Variants in SHISA9 observed in about 807,000 individuals in gnomAD.
SHISA9 encodes the protein protein shisa-9.
In SHISA9, 13 loss-of-function variants were observed where a neutral mutation model predicts 38.0. The observed-to-expected ratio is 0.34, with a 90% CI of 0.22 to 0.54. The LOEUF is 0.54. Among genes scored for constraint, SHISA9 ranks in the 20% least tolerant of loss-of-function variants. The probability of loss-of-function intolerance (pLI) is 0.91; values close to 1 mark genes in which losing one functional copy is unlikely to be tolerated. For missense variants in SHISA9, 538 were observed against 575.8 expected (o/e 0.93, Z 0.67); for synonymous variants, 275 against 242.0 (o/e 1.14, Z -1.27).
chr16:13,080,296 C>T (rs1254554457), intron 2 of SHISA9, among the ~76,000 whole-genome samples: 1 of 152,164 alleles, frequency 6.6e-6, no homozygotes, highest in Non-Finnish European at 1.5e-5. Flanking sequence ...TGGCATGAAC[C>T]CGGGAGGTGG....
chr16:13,202,851 C>T (rs1047396316), intron 2 of SHISA9, among the ~76,000 whole-genome samples: 1 of 152,162 alleles, frequency 6.6e-6, no homozygotes, highest in Non-Finnish European at 1.5e-5. Context: ...TGGTATTGTT[C>T]AGTCAACATA....
chr16:13,530,886 G>C, the SHISA9 span, among the ~76,000 whole-genome samples: 3 of 152,172 alleles, frequency 2.0e-5, no homozygotes, highest in African/African-American at 7.2e-5. Flanking sequence ...ACAAGAACAG[G>C]CGCTTGCTAG....
At chr16:13,061,838 G>A (rs1304348635) in intron 2 of SHISA9, among the ~76,000 whole-genome samples, 1 of 152,218 alleles carries the variant, frequency 6.6e-6, no homozygotes, top group African/African-American at 2.4e-5. Context: ...GAGGCAGCAT[G>A]TAAGCCAAGA....
rs1051746866 is a variant in SHISA9 at position 13,045,288 on chromosome 16, A to G, written c.691+128473A>G. 2.0e-5 allele frequency among the ~76,000 whole-genome samples: 3 copies of G among 152,222 alleles called. 1 individual carries two copies. Among genetic ancestry groups the G allele is most frequent in the African/African-American group, 7.2e-5 (3 of 41,452 alleles). On this transcript the variant is annotated intron_variant, in intron 2 of 4. Coordinates refer to ENST00000558583, the MANE Select transcript of SHISA9 (RefSeq NM_001145204.3). ...TTTCATTGAATGCCTACTATGAGGT[A>G]GATGGTATTAACCCATTTTGCAGGT...
the SHISA9 span, among the ~76,000 whole-genome samples, chr16:13,479,703 G>T: frequency 2.6e-5 from 4 of 152,122 alleles, no homozygotes; most frequent in Non-Finnish European, 5.9e-5. Flanking sequence ...GCGATTAATT[G>T]GAAAACAGGG....
intron 2 of SHISA9, among the ~76,000 whole-genome samples, chr16:12,982,035 C>T (rs893967374): frequency 6.6e-6 from 1 of 152,188 alleles, no homozygotes; most frequent in Non-Finnish European, 1.5e-5. Flanking sequence ...AGCTCCCCAT[C>T]AACTTTCAAA....
the SHISA9 span, among the ~76,000 whole-genome samples, chr16:13,531,881 A>G: frequency 6.6e-6 from 1 of 152,218 alleles, no homozygotes; most frequent in African/African-American, 2.4e-5. Context: ...AAGATGAATT[A>G]TCACAGTACT....
At chr16:13,271,299 C>T in the SHISA9 span, among the ~76,000 whole-genome samples, 1 of 152,170 alleles carries the variant, frequency 6.6e-6, no homozygotes, top group Admixed American at 6.5e-5. Flanking sequence ...TTTGTAGAAT[C>T]ACCTGGAAAG....
chr16:13,459,722 T>A, the SHISA9 span, among the ~76,000 whole-genome samples: 12 of 152,172 alleles, frequency 7.9e-5, no homozygotes, highest in Admixed American at 3.3e-4. Context: ...ACCCTGTATA[T>A]CATGCCTGGA....
At chr16:12,989,373 T>A (rs1370581094) in intron 2 of SHISA9, among the ~76,000 whole-genome samples, 1 of 152,098 alleles carries the variant, frequency 6.6e-6, no homozygotes, top group Non-Finnish European at 1.5e-5. Context: ...AGATGGGGTT[T>A]CACCATGTTG....
the SHISA9 span, among the ~76,000 whole-genome samples, chr16:13,542,657 G>A: frequency 6.5e-4 from 99 of 152,270 alleles, no homozygotes; most frequent in African/African-American, 2.3e-3. Flanking sequence ...CTATTTCCCA[G>A]GGACAACAAA....
At chr16:12,921,129 A>G (rs1177319090) in intron 2 of SHISA9, among the ~76,000 whole-genome samples, 1 of 152,228 alleles carries the variant, frequency 6.6e-6, no homozygotes, top group Non-Finnish European at 1.5e-5. Context: ...TATTCCATAT[A>G]CCCTTACAAC....
chr16:13,244,983 A>G (rs943807944), downstream of SHISA9, among the ~76,000 whole-genome samples: 1 of 152,118 alleles, frequency 6.6e-6, no homozygotes, highest in Non-Finnish European at 1.5e-5. Context: ...TGGAGCAATC[A>G]CAGCTCACTG....
At chr16:12,984,888 C>T (rs919023585) in intron 2 of SHISA9, among the ~76,000 whole-genome samples, 1 of 152,056 alleles carries the variant, frequency 6.6e-6, no homozygotes, top group African/African-American at 2.4e-5. Flanking sequence ...ATAGAAGAGC[C>T]CAGTTCTCTT....
the SHISA9 span, among the ~76,000 whole-genome samples, chr16:13,426,450 T>C: frequency 6.6e-6 from 1 of 152,110 alleles, no homozygotes; most frequent in Admixed American, 6.5e-5. Context: ...ATCTGGGAGA[T>C]AGAGCCCCCA....
intron 2 of SHISA9, among the ~76,000 whole-genome samples, chr16:13,198,499 A>G (rs1382577421): frequency 2.6e-5 from 4 of 151,662 alleles, no homozygotes; most frequent in African/African-American, 9.7e-5. Context: ...TATAACCTAG[A>G]TCTCATTCAT....
At chr16:13,088,055 G>A (rs1002901538) in intron 2 of SHISA9, among the ~76,000 whole-genome samples, 17 of 152,148 alleles carry the variant, frequency 1.1e-4, no homozygotes, top group African/African-American at 3.6e-4. Flanking sequence ...GCCAGTTTTC[G>A]CAGTATCATT....
At chr16:13,055,668 C>T (rs1331487190) in intron 2 of SHISA9, among the ~76,000 whole-genome samples, 1 of 152,198 alleles carries the variant, frequency 6.6e-6, no homozygotes, top group Admixed American at 6.5e-5. Context: ...TCCCTCCATG[C>T]CCACTCACCC....
intron 3 of SHISA9, among the ~76,000 whole-genome samples, chr16:13,212,609 G>T (rs116147782): frequency 6.6e-6 from 1 of 152,116 alleles, no homozygotes; most frequent in African/African-American, 2.4e-5. Context: ...TCTCGTTACC[G>T]TTTAGAATTT....
Sources: allele counts gnomAD v4.1 joint callset (sites outside exome capture counted in the v4.1 genomes callset), GRCh38; gene constraint gnomAD v4.1.1; transcripts MANE v1.5; gene names NCBI Gene and HGNC (gene_info 2026-07-23, HGNC 2026-07-21).